The following CAP1 variants were observed in gnomAD, a reference collection of about 807,000 sequenced individuals.
The protein encoded by CAP1 is cyclase associated actin cytoskeleton regulatory protein 1, also known as adenylyl cyclase-associated protein 1.
CAP1 carries 11 observed loss-of-function variants against 58.2 expected under a neutral mutation model. That is an observed-to-expected ratio of 0.19 (90% CI 0.12 to 0.31). The LOEUF (loss-of-function observed/expected upper bound fraction) is 0.31. Ranked by LOEUF, CAP1 falls within the 10% of genes least tolerant of loss-of-function variation. The pLI is 1.00. For missense variants in CAP1, 423 were observed against 587.5 expected (o/e 0.72, Z 2.89); for synonymous variants, 183 against 213.8 (o/e 0.86, Z 1.26).
chr1:40,064,757 C>T (rs989457157), intron 6 of CAP1, among the ~76,000 whole-genome samples, 198 bp downstream of exon 6: 6 of 151,984 alleles, frequency 3.9e-5, no homozygotes, highest in Admixed American at 3.3e-4. Flanking sequence ...CTAATTTTTT[C>T]GTAGAGATGA....
At chr1:40,059,668 G>A (rs1437215541) in intron 2 of CAP1, among the ~76,000 whole-genome samples, 2 of 152,166 alleles carry the variant, frequency 1.3e-5, no homozygotes, top group African/African-American at 4.8e-5. Context: ...CTTCCTGCTT[G>A]TGCAATATTT....
chr1:40,061,605 T>G (rs1646854158), intron 3 of CAP1, 130 bp from the exon 4 acceptor site: 1 of 756,136 alleles, frequency 1.3e-6, no homozygotes, highest in Non-Finnish European at 2.4e-6. Flanking sequence ...GAATCTGGAA[T>G]ACATGAGGAG....
Position 40,064,208 on chromosome 1 carries a change from T to C in CAP1, c.295-19T>C. ...GTGGAAAGATGTTAACCTGAATCTT[T>C]TCTTGTATCTTTTCCTAGAATAAGC... On this transcript the variant is annotated intron_variant, in intron 4 of 12. Transcript: ENST00000372805. 2 of 1,613,254 alleles carry C rather than the reference T, an allele frequency of 1.2e-6. No homozygotes were observed. Among genetic ancestry groups the C allele is most frequent in the Non-Finnish European group, 1.7e-6 (2 of 1,179,442 alleles).
At position 40,072,251 on chromosome 1, in the gene CAP1, G is replaced by T; in HGVS notation, c.*718G>T. On this transcript the variant is annotated 3_prime_UTR_variant, in exon 13 of 13. Transcript: ENST00000372805. ...CCTTCCTATAGAGATGACTTTAAAA[G>T]GAAAAAAAAAAAAAAAAAAACCCAC... The T allele has an allele frequency of 1.2e-5, 3 of 241,226 alleles. No homozygotes were observed. The highest frequency in any genetic ancestry group is 9.1e-4 in the Middle Eastern group (1 of 1,104). The allele number at this position is 241,226 out of a possible 1,614,324, so 14.9% of individuals were successfully genotyped here.
chr1:40,057,912 T>C (rs575820775), intron 1 of CAP1, among the ~76,000 whole-genome samples: 2 of 152,328 alleles, frequency 1.3e-5, no homozygotes, highest in South Asian at 2.1e-4. Context: ...TAGAGGTGCA[T>C]TGATCATATT....
intron 1 of CAP1, among the ~76,000 whole-genome samples, chr1:40,051,882 T>C (rs1646390695): frequency 6.6e-6 from 1 of 152,194 alleles, no homozygotes; most frequent in Non-Finnish European, 1.5e-5. Context: ...TTTTTTTTGT[T>C]TTGTTTTGTT....
chr1:40,069,691 C>T lies in CAP1; in HGVS notation c.810C>T (p.Ala270=), dbSNP rs200574479. ...ACAAGGTAGCTGTTGTTCTTACAGC[C>T]CTGAAACATGTATCTGATGACATGA... is the stretch of plus-strand genomic sequence containing the variant. ...QINQGESITH[A]LKHVSDDMKT... Residue 270 remains alanine, a splice_region_variant and synonymous_variant, in exon 9 of 13, where the codon GCC becomes GCT. Coordinates refer to ENST00000372805, the MANE Select transcript of CAP1 (RefSeq NM_006367.4). The T allele has an allele frequency of 1.9e-3, 3,082 of 1,612,852 alleles. 7 individuals are homozygous for T. Among genetic ancestry groups the T allele is most frequent in the Non-Finnish European group, 2.4e-3 (2,837 of 1,179,390 alleles).
chr1:40,061,709 C>T (rs967501255), intron 3 of CAP1, 26 bp from the exon 4 acceptor site: 4 of 1,596,248 alleles, frequency 2.5e-6, no homozygotes, highest in Non-Finnish European at 3.4e-6. Context: ...AATGTGTCAT[C>T]AATAGCTGAT....
At chr1:40,059,032 T>TTTTTTTTTTTTTTTGAGACGG (rs1553163419) in intron 1 of CAP1, among the ~76,000 whole-genome samples, 1 of 152,018 alleles carries the variant, frequency 6.6e-6, no homozygotes, top group African/African-American at 2.4e-5. Context: ...TCTAACTTTC[T>TTTTTTTTTTTTTTTGAGACGG]ACACACAGTA....
At chr1:40,054,339 T>C (rs2124284161) in intron 1 of CAP1, among the ~76,000 whole-genome samples, 1 of 152,076 alleles carries the variant, frequency 6.6e-6, no homozygotes, top group East Asian at 1.9e-4. Flanking sequence ...TACAGGCGCA[T>C]ACCACCACGC....
intron 1 of CAP1, among the ~76,000 whole-genome samples, chr1:40,045,076 G>A (rs532264498): frequency 2.6e-5 from 4 of 151,974 alleles, no homozygotes; most frequent in African/African-American, 9.7e-5. Context: ...GAGCCACCGC[G>A]CCTGGCCATA....
At chr1:40,067,186 G>T in intron 7 of CAP1, 1 of 225,922 alleles carries the variant, frequency 4.4e-6, no homozygotes, top group Non-Finnish European at 8.6e-6. Flanking sequence ...GGGGATGATT[G>T]TACAGGGAGA....
chr1:40,071,932 C>T lies in CAP1; in HGVS notation c.*399C>T. 2.4e-6 allele frequency: 1 copy of T among 411,084 alleles called. No homozygotes were observed. The highest frequency in any genetic ancestry group is 1.0e-4 in the South Asian group (1 of 9,822). The allele number at this position is 411,084 out of a possible 1,614,324, so 25.5% of individuals were successfully genotyped here. A position where few individuals can be genotyped will look rare whatever the true frequency, so the allele number is the denominator to read the frequency against. ...TGGTTAATCTTTTTTTAACAATGAGCATGAAGGTAGCAGAAGCTGGTGTGT... is the reference window on the plus strand; with the variant it reads ...TGGTTAATCTTTTTTTAACAATGAGTATGAAGGTAGCAGAAGCTGGTGTGT... On this transcript the variant is annotated 3_prime_UTR_variant, in exon 13 of 13. Transcript: ENST00000372805.
chr1:40,067,645 T>G lies in CAP1; in HGVS notation c.736T>G (p.Ser246Ala), dbSNP rs758249057. The G allele has an allele frequency of 7.6e-6, 12 of 1,583,082 alleles. No homozygotes were observed. Among genetic ancestry groups the G allele is most frequent in the Non-Finnish European group, 5.2e-6 (6 of 1,159,800 alleles). Reference sequence around the variant, plus strand: ...CCCTCCTCCCCCAGTCTCTACCATTTCATGCTCATATGAGTCTGCTTCCCG... The same window carrying G: ...CCCTCCTCCCCCAGTCTCTACCATTGCATGCTCATATGAGTCTGCTTCCCG... ...CPPPPPVSTI[S>A]CSYESASRSS... The change falls in exon 8 of 13, where the codon TCA becomes GCA. Residue 246 changes from serine to alanine, a missense_variant. Coordinates refer to ENST00000372805, the MANE Select transcript of CAP1 (RefSeq NM_006367.4).
At chr1:40,047,049 G>T (rs999004584) in intron 1 of CAP1, among the ~76,000 whole-genome samples, 1 of 143,768 alleles carries the variant, frequency 7.0e-6, no homozygotes, top group Admixed American at 6.9e-5. Flanking sequence ...GGGATTACAG[G>T]CATGAGCCAT....
At chr1:40,043,415 T>C (rs3122440) in intron 1 of CAP1, among the ~76,000 whole-genome samples, 126,730 of 151,994 alleles carry the variant, frequency 0.83, 52,824 homozygotes, top group East Asian at 0.88. Flanking sequence ...CCAGGCTGGT[T>C]TCGAACTCCT....
Position 40,064,362 on chromosome 1 carries a change from G to C in CAP1, c.430G>C (p.Val144Leu), listed in dbSNP as rs201118252. 1 of 1,614,106 alleles carries C rather than the reference G, an allele frequency of 6.2e-7. No homozygotes were observed. Among genetic ancestry groups the C allele is most frequent in the African/African-American group, 1.3e-5 (1 of 75,018 alleles). The change falls in exon 5 of 13, where the codon GTG (valine) becomes CTG (leucine). Residue 144 changes from valine (V) to leucine (L), a missense_variant. Transcript: ENST00000372805. ...VSESIQALGW[V>L]AMAPKPGPYV... ...CGAAAGTATCCAGGCCCTGGGCTGG[G>C]TGGCTATGGTGAGCAGCGCAGATTC...
At chr1:40,067,417 T>C in intron 7 of CAP1, 123 bp from the exon 8 acceptor site, 2 of 777,704 alleles carry the variant, frequency 2.6e-6, no homozygotes, top group Non-Finnish European at 2.0e-6. Flanking sequence ...GTAGGACACA[T>C]TAATCATTGC....
intron 1 of CAP1, among the ~76,000 whole-genome samples, chr1:40,045,899 G>A (rs933250830): frequency 2.6e-5 from 4 of 152,086 alleles, no homozygotes; most frequent in Non-Finnish European, 4.4e-5. Context: ...TGTTGCCTGG[G>A]CTGGTCTTAA....
Sources: gnomAD v4.1 joint callset for allele counts (sites outside exome capture counted in the v4.1 genomes callset) on GRCh38, gnomAD v4.1.1 for gene constraint, MANE v1.5 for transcripts, NCBI Gene and HGNC (gene_info 2026-07-23, HGNC 2026-07-21) for gene names.